Variants in CLEC7A observed in about 807,000 individuals in gnomAD.
CLEC7A encodes the protein C-type lectin domain family 7 member A.
CLEC7A carries 25 observed loss-of-function variants against 26.9 expected under a neutral mutation model. That is an observed-to-expected ratio of 0.93 (90% CI 0.68 to 1.30). The LOEUF (loss-of-function observed/expected upper bound fraction) is 1.30, where lower values mean the gene tolerates loss of function less well. Among genes scored for constraint, CLEC7A ranks in the 50% most tolerant of loss-of-function variants. The pLI is 0.00. For missense variants in CLEC7A, 275 were observed against 286.7 expected (o/e 0.96, Z 0.29); for synonymous variants, 100 against 99.5 (o/e 1.01, Z -0.03).
In CLEC7A at chr12:10,126,718, C is replaced by T; in HGVS notation, c.203-10G>A. On this transcript the variant is annotated splice_polypyrimidine_tract_variant and intron_variant, in intron 2 of 5. Transcript: ENST00000304084. ...TTGGATCTCCAAATAGCTTCACATACCAACAATAATAATAGTGACAGAAAA... is the reference window on the plus strand; with the variant it reads ...TTGGATCTCCAAATAGCTTCACATATCAACAATAATAATAGTGACAGAAAA... The T allele has an allele frequency of 6.3e-7, 1 of 1,598,502 alleles. No homozygotes were observed. Among genetic ancestry groups the T allele is most frequent in the Non-Finnish European group, 8.5e-7 (1 of 1,171,068 alleles).
rs1018183099 is a variant in CLEC7A at position 10,130,184 on chromosome 12, A to G, written c.-102T>C. ...CAAAAGAGAATCTCTGAGTCAAATC[A>G]TGTGGGCTAGGTACTTACCGGAGTT... is the stretch of plus-strand genomic sequence containing the variant. On this transcript the variant is annotated 5_prime_UTR_variant, in exon 1 of 6. The change abolishes an upstream ATG in the 5' untranslated region. Transcript: ENST00000304084. 4.8e-6 allele frequency: 3 copies of G among 624,848 alleles called. No individual in the cohort carries two copies. Among genetic ancestry groups the G allele is most frequent in the Non-Finnish European group, 8.6e-6 (3 of 347,102 alleles). 38.7% of individuals were successfully genotyped at this position (624,848 alleles called of 1,614,324 possible).
rs978703310 is a variant in CLEC7A, at chr12:10,117,737, T to G, written c.*721A>C. 2 of 152,140 alleles carry G rather than the reference T, an allele frequency of 1.3e-5. No homozygotes were observed. Among genetic ancestry groups the G allele is most frequent in the African/African-American group, 4.8e-5 (2 of 41,418 alleles). The allele number at this position is 152,140 out of a possible 1,614,324, so 9.4% of individuals were successfully genotyped here. On this transcript the variant is annotated 3_prime_UTR_variant, in exon 6 of 6. Coordinates refer to ENST00000304084, the MANE Select transcript of CLEC7A (RefSeq NM_197947.3). ...TTCATTTAGCTATTCAGAAATATATTTCACCCTCAGTTCATAACTGATATA... is the reference window on the plus strand; with the variant it reads ...TTCATTTAGCTATTCAGAAATATATGTCACCCTCAGTTCATAACTGATATA...
At chr12:10,125,179 TCAA>T in intron 4 of CLEC7A, 115 bp downstream of exon 4, 1 of 787,592 alleles carries the variant, frequency 1.3e-6, no homozygotes, top group African/African-American at 3.0e-5. Context: ...AGACTCTGCC[TCAA>T]AAAAAAAAAA....
Position 10,118,231 on chromosome 12 carries a change from C to T in CLEC7A, c.*227G>A, listed in dbSNP as rs369727678. On this transcript the variant is annotated 3_prime_UTR_variant, in exon 6 of 6. Coordinates refer to ENST00000304084, the MANE Select transcript of CLEC7A (RefSeq NM_197947.3). ...AAACTCAAGCTTGGCTGCCCTGATT[C>T]CATGTCTAGGGATCTACTAACTAGA... 17 of 477,450 alleles carry T rather than the reference C, an allele frequency of 3.6e-5. No individual in the cohort carries two copies. Among genetic ancestry groups the T allele is most frequent in the African/African-American group, 3.3e-4 (16 of 49,198 alleles). The allele number at this position is 477,450 out of a possible 1,614,324, so 29.6% of individuals were successfully genotyped here.
rs747063535 is a variant in CLEC7A at position 10,127,715 on chromosome 12, T to A, written c.202+32A>T. 11 of 1,397,956 alleles carry A rather than the reference T, an allele frequency of 7.9e-6. No individual in the cohort carries two copies. The South Asian group carries it at 9.8e-5, about 12-fold the overall frequency. The allele number at this position is 1,397,956 out of a possible 1,614,324, so 86.6% of individuals were successfully genotyped here. ...CACATAATAATTGCTTACTAAATTG[T>A]CTGTTGTTAATCTCCTCCACCAAAT... On this transcript the variant is annotated intron_variant, in intron 2 of 5. Coordinates refer to ENST00000304084, the MANE Select transcript of CLEC7A (RefSeq NM_197947.3).
Position 10,118,012 on chromosome 12 carries a change from G to A in CLEC7A, c.*446C>T, listed in dbSNP as rs987916603. On this transcript the variant is annotated 3_prime_UTR_variant, in exon 6 of 6. Coordinates refer to ENST00000304084, the MANE Select transcript of CLEC7A (RefSeq NM_197947.3). The stretch of plus-strand genomic sequence containing the variant: ...AGCCCAGGAGTTAGAGACCAGCTTG[G>A]TCAACATGGCAAAACCCAGTCTCTA... 1 of 159,340 alleles carries A rather than the reference G, an allele frequency of 6.3e-6. No homozygotes were observed. The highest frequency in any genetic ancestry group is 1.4e-5 in the Non-Finnish European group (1 of 73,074). The allele number at this position is 159,340 out of a possible 1,614,324, so 9.9% of individuals were successfully genotyped here.
At chr12:10,127,388 C>T (rs1948326068) in intron 2 of CLEC7A, 1 of 1,612,504 alleles carries the variant, frequency 6.2e-7, no homozygotes, top group Middle Eastern at 1.7e-4. Context: ...TCTTCTTCAG[C>T]TCCGCTTGTT....
intron 1 of CLEC7A, among the ~76,000 whole-genome samples, 191 bp from the exon 2 acceptor site, chr12:10,128,036 C>A (rs1327295750): frequency 1.5e-5 from 2 of 136,262 alleles, no homozygotes; most frequent in African/African-American, 5.0e-5. Flanking sequence ...CACAGGGAGA[C>A]CCTGTCCCTA....
chr12:10,125,053 TAG>T (rs1051457603), intron 4 of CLEC7A: 3 of 505,464 alleles, frequency 5.9e-6, no homozygotes, highest in Admixed American at 3.2e-5. Context: ...AAAAAAACAT[TAG>T]ACGAGTGTGG....
rs577057281 is a variant in CLEC7A at position 10,127,568 on chromosome 12, C to T, written c.202+179G>A. The T allele has an allele frequency of 3.0e-6, 3 of 1,005,514 alleles. No individual in the cohort carries two copies. In the East Asian group the frequency reaches 7.4e-5, roughly 25 times the overall value. 62.3% of individuals were successfully genotyped at this position (1,005,514 alleles called of 1,614,324 possible). A position where few individuals can be genotyped will look rare whatever the true frequency, so the allele number is the denominator to read the frequency against. On this transcript the variant is annotated intron_variant, in intron 2 of 5. Transcript: ENST00000304084. ...ACCCTGGAAAGGTAAAATAACCTCT[C>T]AGTCTCTCACACCCTTTATAAGTGA...
intron 5 of CLEC7A, among the ~76,000 whole-genome samples, chr12:10,122,324 C>G (rs79724117): frequency 6.6e-6 from 1 of 152,072 alleles, no homozygotes; most frequent in Non-Finnish European, 1.5e-5. Context: ...ATGTGAAATA[C>G]GTTTAAAATA....
intron 1 of CLEC7A, among the ~76,000 whole-genome samples, chr12:10,128,414 G>GCAGGA (rs1565410294): frequency 6.6e-6 from 1 of 152,094 alleles, no homozygotes; most frequent in African/African-American, 2.4e-5. Context: ...ATAACTGTAT[G>GCAGGA]CTCCTAATTT....
chr12:10,118,481 A>G lies in CLEC7A; in HGVS notation c.721T>C (p.Cys241Arg). ...TCTTACATTGAAAACTTCTTCTCAC[A>G]AATACTATATGAGGGCACACTACAC... ...QLCSVPSYSICEKKFSM is the reference protein window; with the variant it reads ...QLCSVPSYSIREKKFSM The change falls in exon 6 of 6, where the codon TGT (cysteine) becomes CGT (arginine). Residue 241 changes from cysteine (C) to arginine (R), a missense_variant. Physicochemically the swap from Cys to Arg is radical, Grantham distance 180 (BLOSUM62 -3). Coordinates refer to ENST00000304084, the MANE Select transcript of CLEC7A (RefSeq NM_197947.3). 1.9e-6 allele frequency: 3 copies of G among 1,611,106 alleles called. No homozygotes were observed. The highest frequency in any genetic ancestry group is 2.5e-6 in the Non-Finnish European group (3 of 1,177,444).
rs185282370 is a variant in CLEC7A at position 10,117,120 on chromosome 12, A to G, written c.*1338T>C. On this transcript the variant is annotated 3_prime_UTR_variant, in exon 6 of 6. Coordinates refer to ENST00000304084, the MANE Select transcript of CLEC7A (RefSeq NM_197947.3). ...TTCCAAAATGTTAATACTTGTTCCA[A>G]TGAGGTTGGTTACTTTTTTATATTC... The G allele has an allele frequency of 1.1e-4, 17 of 152,336 alleles. No homozygotes were observed. The highest frequency in any genetic ancestry group is 1.9e-4 in the East Asian group (1 of 5,188). 9.4% of individuals were successfully genotyped at this position (152,336 alleles called of 1,614,324 possible).
Position 10,118,412 on chromosome 12 carries a change from C to T in CLEC7A, c.*46G>A. The T allele has an allele frequency of 1.9e-6, 3 of 1,552,396 alleles. No individual in the cohort carries two copies. The highest frequency in any genetic ancestry group is 1.8e-6 in the Non-Finnish European group (2 of 1,130,168). On this transcript the variant is annotated 3_prime_UTR_variant, in exon 6 of 6. Coordinates refer to ENST00000304084, the MANE Select transcript of CLEC7A (RefSeq NM_197947.3). ...ACTCTTTTCTGTTCTGTTTTCTGTC[C>T]TCCTTACTACCTCACATATTTCTCT...
chr12:10,127,782 A>G lies in CLEC7A; in HGVS notation c.167T>C (p.Val56Ala), dbSNP rs770113560. The change falls in exon 2 of 6, where the codon GTA becomes GCA. Residue 56 changes from valine to alanine, a missense_variant. Val to Ala is a moderately conservative substitution (Grantham distance 64, BLOSUM62 0). Transcript: ENST00000304084. ...IAVILGILCL[V>A]ILVIAVVLGT... ...CAGGACCACAGCTATCACCAGTATT[A>G]CCAAGCATAGGATTCCCAAAATTAC... The G allele has an allele frequency of 3.8e-6, 6 of 1,590,320 alleles. No individual in the cohort carries two copies. Among genetic ancestry groups the G allele is most frequent in the Middle Eastern group, 3.3e-4 (2 of 6,062 alleles).
intron 1 of CLEC7A, among the ~76,000 whole-genome samples, chr12:10,128,253 A>C (rs11053621): frequency 0.2 from 28,358 of 139,428 alleles, 3,075 homozygotes; most frequent in African/African-American, 0.34. Context: ...CACACCACCA[A>C]CAACAACAAC....
intron 2 of CLEC7A, chr12:10,127,387 G>C (rs772001509): frequency 4.3e-6 from 7 of 1,611,976 alleles, no homozygotes; most frequent in Non-Finnish European, 5.9e-6. Flanking sequence ...TTCTTCTTCA[G>C]CTCCGCTTGT....
At chr12:10,121,601 A>G (rs1280887339) in intron 5 of CLEC7A, among the ~76,000 whole-genome samples, 2 of 152,224 alleles carry the variant, frequency 1.3e-5, no homozygotes, top group Non-Finnish European at 2.9e-5. Flanking sequence ...ATGCATTTCT[A>G]AATAACTCCT....
Sources: gnomAD v4.1 joint callset for allele counts (sites outside exome capture counted in the v4.1 genomes callset) on GRCh38, gnomAD v4.1.1 for gene constraint, MANE v1.5 for transcripts, NCBI Gene and HGNC (gene_info 2026-07-23, HGNC 2026-07-21) for gene names.